The following PABPC4L variants were observed in gnomAD, a reference collection of about 807,000 sequenced individuals.
The protein encoded by PABPC4L is poly(A) binding protein cytoplasmic 4 like.
For synonymous variants in PABPC4L, 169 were observed against 164.1 expected (o/e 1.03, Z -0.23); for missense variants, 452 against 451.4 (o/e 1.00, Z -0.01).
At chr4:134,006,071 A>G in the PABPC4L span, among the ~76,000 whole-genome samples, 1 of 151,874 alleles carries the variant, frequency 6.6e-6, no homozygotes, top group Non-Finnish European at 1.5e-5. Flanking sequence ...TATAAGTAAA[A>G]TATATACAAA....
At chr4:133,992,893 T>C in the PABPC4L span, among the ~76,000 whole-genome samples, 1 of 152,118 alleles carries the variant, frequency 6.6e-6, no homozygotes, top group African/African-American at 2.4e-5. Context: ...GGAAGCCACA[T>C]TGTCTGGGAC....
chr4:134,154,622 G>A, the PABPC4L span, among the ~76,000 whole-genome samples: 4 of 151,826 alleles, frequency 2.6e-5, no homozygotes, highest in East Asian at 7.8e-4. Flanking sequence ...CTTCACATTT[G>A]GCTGGTAAGA....
chr4:134,160,594 A>G, the PABPC4L span, among the ~76,000 whole-genome samples: 9 of 152,102 alleles, frequency 5.9e-5, no homozygotes, highest in African/African-American at 2.2e-4. Context: ...AAAACATCCA[A>G]ATCTAGATGT....
At chr4:134,176,015 G>T in the PABPC4L span, among the ~76,000 whole-genome samples, 107,772 of 152,048 alleles carry the variant, frequency 0.71, 39,765 homozygotes, top group East Asian at 1. Context: ...AAATTTCTAC[G>T]ACTATTTTGG....
chr4:134,187,437 G>A, the PABPC4L span, among the ~76,000 whole-genome samples: 17 of 151,440 alleles, frequency 1.1e-4, no homozygotes, highest in African/African-American at 2.7e-4. Context: ...GCAAAGTATC[G>A]CAAGGACAGA....
the PABPC4L span, among the ~76,000 whole-genome samples, chr4:134,157,054 C>T: frequency 1.3e-5 from 2 of 151,556 alleles, no homozygotes; most frequent in African/African-American, 4.8e-5. Context: ...ATATTTAATG[C>T]TGTCAAATGT....
At chr4:133,988,212 C>T in the PABPC4L span, among the ~76,000 whole-genome samples, 1 of 152,160 alleles carries the variant, frequency 6.6e-6, no homozygotes, top group Admixed American at 6.5e-5. Context: ...ATTATGTTCT[C>T]ACATTTCAAA....
chr4:134,079,696 T>A, the PABPC4L span, among the ~76,000 whole-genome samples: 8 of 146,372 alleles, frequency 5.5e-5, no homozygotes, highest in African/African-American at 7.5e-5. Flanking sequence ...TCTGTGTGTG[T>A]GAGAGAGAGA....
At chr4:134,041,206 C>T in the PABPC4L span, among the ~76,000 whole-genome samples, 50 of 152,186 alleles carry the variant, frequency 3.3e-4, no homozygotes, top group African/African-American at 1.2e-3. Context: ...GCATTTGACT[C>T]AGCAATCTCA....
At chr4:134,179,271 T>C in the PABPC4L span, among the ~76,000 whole-genome samples, 1 of 152,028 alleles carries the variant, frequency 6.6e-6, no homozygotes, top group Admixed American at 6.6e-5. Context: ...AAAAAAAATT[T>C]CAACCAAGAA....
At chr4:134,017,490 C>T in the PABPC4L span, among the ~76,000 whole-genome samples, 8 of 152,182 alleles carry the variant, frequency 5.3e-5, no homozygotes, top group East Asian at 3.9e-4. Context: ...TTTACACTGC[C>T]GGTTTACACT....
At chr4:133,976,160 T>C in the PABPC4L span, among the ~76,000 whole-genome samples, 1 of 152,138 alleles carries the variant, frequency 6.6e-6, no homozygotes, top group Non-Finnish European at 1.5e-5. Flanking sequence ...CCTGGGTCCA[T>C]ATGTTCTCAT....
At chr4:134,070,643 G>A in the PABPC4L span, among the ~76,000 whole-genome samples, 2 of 152,130 alleles carry the variant, frequency 1.3e-5, no homozygotes, top group Admixed American at 6.5e-5. Context: ...AGCAGTGGGG[G>A]TGTGGCTGTG....
the PABPC4L span, among the ~76,000 whole-genome samples, chr4:134,130,259 T>G: frequency 6.6e-6 from 1 of 151,610 alleles, no homozygotes; most frequent in African/African-American, 2.4e-5. Flanking sequence ...CTTTGAAAAA[T>G]TAATTAAAAT....
the PABPC4L span, among the ~76,000 whole-genome samples, chr4:134,067,546 G>T: frequency 5.3e-5 from 8 of 151,676 alleles, no homozygotes; most frequent in Non-Finnish European, 1.0e-4. Flanking sequence ...CTCTGATTTT[G>T]GTTATTTCTT....
At chr4:134,167,435 T>C in the PABPC4L span, among the ~76,000 whole-genome samples, 6 of 151,670 alleles carry the variant, frequency 4.0e-5, no homozygotes, top group Non-Finnish European at 8.8e-5. Context: ...AATAAATAAA[T>C]AATAATATGG....
chr4:134,173,386 A>C, the PABPC4L span, among the ~76,000 whole-genome samples: 1 of 152,058 alleles, frequency 6.6e-6, no homozygotes, highest in Non-Finnish European at 1.5e-5. Context: ...CATTATAATC[A>C]CAAAAATGAA....
the PABPC4L span, among the ~76,000 whole-genome samples, chr4:134,119,308 C>G: frequency 2.0e-5 from 3 of 151,692 alleles, no homozygotes; most frequent in Non-Finnish European, 4.4e-5. Context: ...AACATGTTTT[C>G]TGACTACAAA....
At chr4:133,976,648 C>T in the PABPC4L span, among the ~76,000 whole-genome samples, 1 of 152,122 alleles carries the variant, frequency 6.6e-6, no homozygotes, top group Non-Finnish European at 1.5e-5. Context: ...TTAATAATCA[C>T]CATTCTGACT....
Sources: gnomAD v4.1 joint callset for allele counts (sites outside exome capture counted in the v4.1 genomes callset) on GRCh38, gnomAD v4.1.1 for gene constraint, MANE v1.5 for transcripts, NCBI Gene and HGNC (gene_info 2026-07-23, HGNC 2026-07-21) for gene names.